SLC35F3: variants seen among roughly 807,000 people sequenced by gnomAD.
SLC35F3 encodes the protein solute carrier family 35 member F3, also known as putative thiamine transporter SLC35F3.
Under a neutral mutation model 49.9 loss-of-function variants are expected in SLC35F3, and 25 were observed. The ratio of observed to expected loss-of-function variants is 0.50; its 90% CI spans 0.37 to 0.70. The LOEUF is 0.70. SLC35F3 is among the 30% of genes least tolerant of loss of function. The probability of loss-of-function intolerance (pLI) is 0.00; values close to 1 mark genes in which losing one functional copy is unlikely to be tolerated. For missense variants in SLC35F3, 525 were observed against 639.8 expected, an observed-to-expected ratio of 0.82 and a Z score of 1.94; for synonymous variants, 275 against 265.4, an observed-to-expected ratio of 1.04 and a Z score of -0.35.
chr1:233,917,716 A>G (rs1347832958), intron 2 of SLC35F3, among the ~76,000 whole-genome samples: 1 of 152,216 alleles, frequency 6.6e-6, no homozygotes, highest in Admixed American at 6.5e-5. Context: ...CAATTCCTTT[A>G]GGAGAAAATT....
In SLC35F3 at chr1:234,016,377, A is replaced by G. The variant is rs568867597; in HGVS notation, c.283+110619A>G. 5.6e-4 allele frequency among the ~76,000 whole-genome samples: 86 copies of G among 152,392 alleles called. 1 individual carries two copies. Among genetic ancestry groups the G allele is most frequent in the African/African-American group, 2.0e-3 (84 of 41,592 alleles). On this transcript the variant is annotated intron_variant, in intron 2 of 7. Coordinates refer to ENST00000366618, the MANE Select transcript of SLC35F3 (RefSeq NM_173508.4). ...TGTTATGGTTCACCATAACCAAATTATGGAATCAACCTAAGGATCCATCAA... is the reference window on the plus strand; with the variant it reads ...TGTTATGGTTCACCATAACCAAATTGTGGAATCAACCTAAGGATCCATCAA...
At position 234,309,310 on chromosome 1, in the gene SLC35F3, T is replaced by C. The variant is rs1235238416; in HGVS notation, c.818T>C (p.Met273Thr). ...TGGATCGTTCTCAGGGACAGATTCA[T>C]GGGAGTGAGGGTAAGTTCCTTATTA... ...LSWIVLRDRF[M>T]GVRIVAAILA... The change falls in exon 4 of 8, where the codon ATG becomes ACG. Residue 273 changes from methionine (M) to threonine (T), a missense_variant. Met to Thr is a moderately conservative substitution (Grantham distance 81). Transcript: ENST00000366618. 1 of 1,614,222 alleles carries C rather than the reference T, an allele frequency of 6.2e-7. No homozygotes were observed. The highest frequency in any genetic ancestry group is 8.5e-7 in the Non-Finnish European group (1 of 1,180,010).
chr1:234,311,093 G>A (rs896409146), intron 4 of SLC35F3, among the ~76,000 whole-genome samples: 6 of 152,166 alleles, frequency 3.9e-5, no homozygotes, highest in East Asian at 3.9e-4. Context: ...GGCATTGATG[G>A]CATTTTGTAA....
chr1:234,252,503 T>C (rs1667753516), intron 3 of SLC35F3, among the ~76,000 whole-genome samples: 1 of 152,212 alleles, frequency 6.6e-6, no homozygotes, highest in Non-Finnish European at 1.5e-5. Flanking sequence ...GTAACGCATA[T>C]GATAAACAAA....
intron 2 of SLC35F3, among the ~76,000 whole-genome samples, chr1:234,090,343 G>A (rs1324261295): frequency 2.4e-4 from 36 of 152,406 alleles, no homozygotes; most frequent in Admixed American, 2.4e-3. Flanking sequence ...TGCACATACT[G>A]CTGTCACAGA....
intron 2 of SLC35F3, among the ~76,000 whole-genome samples, chr1:234,015,837 C>T (rs1163767211): frequency 6.6e-6 from 1 of 151,992 alleles, no homozygotes; most frequent in African/African-American, 2.4e-5. Context: ...TTCTGCACCG[C>T]AAAGGAAACA....
intron 2 of SLC35F3, among the ~76,000 whole-genome samples, chr1:233,940,674 C>T (rs1340313405): frequency 6.6e-6 from 1 of 152,152 alleles, no homozygotes; most frequent in East Asian, 1.9e-4. Flanking sequence ...TCCTTGTGCT[C>T]CTCTATTTGC....
intron 2 of SLC35F3, among the ~76,000 whole-genome samples, chr1:234,076,453 T>A (rs1410138873): frequency 6.7e-6 from 1 of 150,142 alleles, no homozygotes; most frequent in African/African-American, 2.5e-5. Flanking sequence ...ATAATAATAA[T>A]CATCATAATA....
At chr1:234,262,144 C>T (rs1367781708) in intron 3 of SLC35F3, among the ~76,000 whole-genome samples, 1 of 152,150 alleles carries the variant, frequency 6.6e-6, no homozygotes, top group Non-Finnish European at 1.5e-5. Flanking sequence ...ACTTTCAAGG[C>T]ATTCTATAAT....
At position 234,235,366 on chromosome 1, in the gene SLC35F3, G is replaced by A. The variant is rs562848714; in HGVS notation, c.608+3625G>A. On this transcript the variant is annotated intron_variant, in intron 3 of 7. Transcript: ENST00000366618. ...TCAGAGAGGGCTTCAGTCATGAGAC[G>A]CTTGAGGGTGCTTGGGAACCACAGT... is the stretch of plus-strand genomic sequence containing the variant. 6.6e-5 allele frequency among the ~76,000 whole-genome samples: 10 copies of A among 152,352 alleles called. No homozygotes were observed. The South Asian group carries it at 1.4e-3, about 22-fold the overall frequency.
intron 2 of SLC35F3, among the ~76,000 whole-genome samples, chr1:233,989,297 T>A (rs1026958398): frequency 1.3e-5 from 2 of 152,246 alleles, no homozygotes; most frequent in African/African-American, 2.4e-5. Context: ...AGCTTTATAA[T>A]GACAGAGAAT....
At chr1:234,087,599 T>G (rs1191221329) in intron 2 of SLC35F3, among the ~76,000 whole-genome samples, 1 of 152,216 alleles carries the variant, frequency 6.6e-6, no homozygotes, top group African/African-American at 2.4e-5. Context: ...CACTGTGCTT[T>G]CTTCATTCCA....
intron 2 of SLC35F3, among the ~76,000 whole-genome samples, chr1:234,107,482 G>A (rs549832814): frequency 3.3e-5 from 5 of 152,188 alleles, no homozygotes; most frequent in South Asian, 2.1e-4. Context: ...TGCTATTACC[G>A]GGGAGTAAAG....
At position 233,940,198 on chromosome 1, in the gene SLC35F3, GCA is replaced by G. The variant is rs552226815; in HGVS notation, c.283+34451_283+34452del. ...TATGTATGCATATATTATTATGTAT[GCA>G]CACACACACATATAAAATATTGTTG... On this transcript the variant is annotated intron_variant, in intron 2 of 7. Coordinates refer to ENST00000366618, the MANE Select transcript of SLC35F3 (RefSeq NM_173508.4). 1.5e-4 allele frequency among the ~76,000 whole-genome samples: 23 copies of G among 152,076 alleles called. 1 individual carries two copies. In the South Asian group the frequency reaches 4.4e-3, roughly 29 times the overall value.
rs373339130 is a variant in SLC35F3, at chr1:234,268,056, G to A, written c.608+36315G>A. Among the ~76,000 whole-genome samples the A allele has an allele frequency of 9.5e-4, 145 of 151,946 alleles. 1 individual carries two copies. In the East Asian group the frequency reaches 0.027, roughly 28 times the overall value. On this transcript the variant is annotated intron_variant, in intron 3 of 7. Coordinates refer to ENST00000366618, the MANE Select transcript of SLC35F3 (RefSeq NM_173508.4). Reference sequence around the variant, plus strand: ...CTCCTCACTTCCCAGACGGGGTGGCGGCCGGGCAGAGGCTGCAATCTCGGC... The same window carrying A: ...CTCCTCACTTCCCAGACGGGGTGGCAGCCGGGCAGAGGCTGCAATCTCGGC...
At chr1:234,170,030 A>C (rs571987351) in intron 2 of SLC35F3, among the ~76,000 whole-genome samples, 6 of 152,038 alleles carry the variant, frequency 3.9e-5, no homozygotes. Flanking sequence ...GCCTCCCAAA[A>C]TGCTGGGATT....
chr1:233,973,967 A>G (rs1459977858), intron 2 of SLC35F3, among the ~76,000 whole-genome samples: 1 of 152,102 alleles, frequency 6.6e-6, no homozygotes, highest in Non-Finnish European at 1.5e-5. Context: ...TAGCCTATCT[A>G]ATACCTTCAT....
chr1:233,953,761 C>T (rs1662648328), intron 2 of SLC35F3, among the ~76,000 whole-genome samples: 1 of 152,028 alleles, frequency 6.6e-6, no homozygotes, highest in Non-Finnish European at 1.5e-5. Flanking sequence ...AAGGCTGGAT[C>T]CTTTAGGAAC....
At chr1:234,077,472 C>T (rs1664809489) in intron 2 of SLC35F3, among the ~76,000 whole-genome samples, 2 of 152,156 alleles carry the variant, frequency 1.3e-5, no homozygotes, top group Admixed American at 6.5e-5. Context: ...ATTAGATCTC[C>T]TGAAAACTCA....
Sources: allele counts gnomAD v4.1 joint callset (sites outside exome capture counted in the v4.1 genomes callset), GRCh38; gene constraint gnomAD v4.1.1; transcripts MANE v1.5; gene names NCBI Gene and HGNC (gene_info 2026-07-23, HGNC 2026-07-21).